LDB2: variants seen among roughly 807,000 people sequenced by gnomAD.
LDB2 encodes LIM domain-binding protein 2.
In LDB2, 12 loss-of-function variants were observed where a neutral mutation model predicts 44.3. The observed-to-expected ratio is 0.27, with a 90% CI of 0.17 to 0.44. LDB2 has a LOEUF of 0.44. LDB2 is among the 20% of genes least tolerant of loss of function. LDB2 has a pLI of 1.00. For missense variants in LDB2, 344 were observed against 473.5 expected (o/e 0.73, Z 2.54); for synonymous variants, 164 against 174.8 (o/e 0.94, Z 0.49).
At chr4:16,542,924 C>A (rs1175594254) in intron 5 of LDB2, among the ~76,000 whole-genome samples, 1 of 106,544 alleles carries the variant, frequency 9.4e-6, no homozygotes, top group South Asian at 4.1e-4. Context: ...TCCCTCCCCC[C>A]TCCCCCCACC....
At chr4:16,771,518 A>G (rs1340980110) in intron 1 of LDB2, among the ~76,000 whole-genome samples, 1 of 152,156 alleles carries the variant, frequency 6.6e-6, no homozygotes, top group Non-Finnish European at 1.5e-5. Flanking sequence ...CTCAGGCTTA[A>G]CATGGCCAAA....
chr4:16,585,367 C>T (rs546389285), intron 5 of LDB2, among the ~76,000 whole-genome samples: 18 of 152,260 alleles, frequency 1.2e-4, no homozygotes, highest in African/African-American at 4.1e-4. Flanking sequence ...TGCCTCTTGT[C>T]AGGCCTGGAT....
chr4:16,638,483 G>A (rs1353911467), intron 2 of LDB2, among the ~76,000 whole-genome samples: 1 of 152,152 alleles, frequency 6.6e-6, no homozygotes, highest in African/African-American at 2.4e-5. Flanking sequence ...TGGAGAGCAG[G>A]GAACCTCTGG....
chr4:16,738,912 G>C (rs1762406215), intron 2 of LDB2, among the ~76,000 whole-genome samples: 1 of 152,132 alleles, frequency 6.6e-6, no homozygotes, highest in South Asian at 2.1e-4. Context: ...TTAATGAGAG[G>C]GGCAGTTTAA....
At chr4:16,850,990 G>A (rs1021365709) in intron 1 of LDB2, among the ~76,000 whole-genome samples, 2 of 129,180 alleles carry the variant, frequency 1.5e-5, no homozygotes, top group Admixed American at 7.8e-5. Flanking sequence ...TGGGGAGTGG[G>A]AGATGACACC....
Position 16,599,378 on chromosome 4 carries a change from T to C in LDB2, c.236-3503A>G, listed in dbSNP as rs551383145. ...AAGTTGGGGCCTGGCGAGGCATCATTCTCACTCTGTCTTCTGCCTCCCTCT... is the reference window on the plus strand; with the variant it reads ...AAGTTGGGGCCTGGCGAGGCATCATCCTCACTCTGTCTTCTGCCTCCCTCT... On this transcript the variant is annotated intron_variant, in intron 2 of 7. Transcript: ENST00000304523. 6.6e-5 allele frequency among the ~76,000 whole-genome samples: 10 copies of C among 152,198 alleles called. No individual in the cohort carries two copies. In the South Asian group the frequency reaches 1.0e-3, roughly 16 times the overall value.
intron 5 of LDB2, among the ~76,000 whole-genome samples, chr4:16,539,210 T>G (rs1732901382): frequency 6.6e-6 from 1 of 152,120 alleles, no homozygotes; most frequent in African/African-American, 2.4e-5. Flanking sequence ...CATAGGTACT[T>G]TCTGGGATTA....
intron 1 of LDB2, among the ~76,000 whole-genome samples, chr4:16,822,420 T>C (rs2109980863): frequency 6.6e-6 from 1 of 152,280 alleles, no homozygotes; most frequent in East Asian, 1.9e-4. Flanking sequence ...CGGAATTTTT[T>C]TTAGGTCTGA....
chr4:16,581,777 A>T (rs7655807), intron 5 of LDB2, among the ~76,000 whole-genome samples: 15,982 of 152,140 alleles, frequency 0.11, 939 homozygotes, highest in African/African-American at 0.12. Flanking sequence ...AGATCCCTGA[A>T]CTGCCACTTA....
chr4:16,764,756 C>A (rs564241559), intron 1 of LDB2, among the ~76,000 whole-genome samples: 1 of 152,254 alleles, frequency 6.6e-6, no homozygotes, highest in South Asian at 2.1e-4. Flanking sequence ...AGAAATGATG[C>A]GGAAGTACCA....
At chr4:16,630,023 T>C (rs1385199829) in intron 2 of LDB2, among the ~76,000 whole-genome samples, 1 of 152,178 alleles carries the variant, frequency 6.6e-6, no homozygotes, top group Non-Finnish European at 1.5e-5. Context: ...TGCAGGATAT[T>C]ATCCAGGAGA....
At chr4:16,755,616 G>A (rs376881759) in intron 2 of LDB2, among the ~76,000 whole-genome samples, 2 of 151,630 alleles carry the variant, frequency 1.3e-5, no homozygotes, top group South Asian at 4.2e-4. Flanking sequence ...TCACCTGTGG[G>A]GCACCCACCT....
chr4:16,502,310 CG>C lies in LDB2; in HGVS notation c.*332del, dbSNP rs1717721516. 3.5e-6 allele frequency: 1 copy of C among 283,774 alleles called. No homozygotes were observed. The highest frequency in any genetic ancestry group is 6.8e-6 in the Non-Finnish European group (1 of 147,458). 17.6% of individuals were successfully genotyped at this position (283,774 alleles called of 1,614,324 possible). ...GAGCATTTATGGACAATATGGCCTT[CG>C]TTTGATGCATAAAAAGGAAATTCAA... On this transcript the variant is annotated 3_prime_UTR_variant, in exon 8 of 8. Coordinates refer to ENST00000304523, the MANE Select transcript of LDB2 (RefSeq NM_001290.5).
At chr4:16,653,287 C>T (rs1221343963) in intron 2 of LDB2, among the ~76,000 whole-genome samples, 3 of 152,110 alleles carry the variant, frequency 2.0e-5, no homozygotes, top group Admixed American at 6.5e-5. Context: ...TTCTCCCCAC[C>T]GCCAGCCCTG....
At chr4:16,588,896 A>G in intron 3 of LDB2, 64 bp from the exon 4 acceptor site, 1 of 1,585,142 alleles carries the variant, frequency 6.3e-7, no homozygotes, top group Non-Finnish European at 8.6e-7. Flanking sequence ...TTTGTAACTC[A>G]CATAGCCACT....
At position 16,719,578 on chromosome 4, in the gene LDB2, C is replaced by T. The variant is rs1016242927; in HGVS notation, c.235+39580G>A. ...AATCCTATCTTTCTTGTTCCTGGACCACGGTAATTTTAGCTAAATTTTAGG... is the reference window on the plus strand; with the variant it reads ...AATCCTATCTTTCTTGTTCCTGGACTACGGTAATTTTAGCTAAATTTTAGG... On this transcript the variant is annotated intron_variant, in intron 2 of 7. Coordinates refer to ENST00000304523, the MANE Select transcript of LDB2 (RefSeq NM_001290.5). 2.0e-5 allele frequency among the ~76,000 whole-genome samples: 3 copies of T among 152,048 alleles called. No homozygotes were observed. In the East Asian group the frequency reaches 5.8e-4, roughly 29 times the overall value.
At chr4:16,614,580 C>CAAAAAAAAAAAAAAAAA (rs1164613202) in intron 2 of LDB2, among the ~76,000 whole-genome samples, 11 of 53,764 alleles carry the variant, frequency 2.0e-4, no homozygotes, top group East Asian at 7.1e-4. Flanking sequence ...CAAGAAAAAA[C>CAAAAAAAAAAAAAAAAA]AAAAAAAAAA....
chr4:16,735,847 T>G (rs1290698982), intron 2 of LDB2, among the ~76,000 whole-genome samples: 1 of 152,134 alleles, frequency 6.6e-6, no homozygotes, highest in Non-Finnish European at 1.5e-5. Context: ...AAATAAAGAC[T>G]GAGAAACTGT....
chr4:16,583,345 T>C (rs1488715967), intron 5 of LDB2, among the ~76,000 whole-genome samples: 2 of 152,222 alleles, frequency 1.3e-5, no homozygotes, highest in South Asian at 2.1e-4. Flanking sequence ...TTCAACTGCA[T>C]AGAAGGCTTT....
Sources: allele counts gnomAD v4.1 joint callset (sites outside exome capture counted in the v4.1 genomes callset), GRCh38; gene constraint gnomAD v4.1.1; transcripts MANE v1.5; gene names NCBI Gene and HGNC (gene_info 2026-07-23, HGNC 2026-07-21).